The following MACROD2 variants were observed in gnomAD, a reference collection of about 807,000 sequenced individuals.
MACROD2 encodes ADP-ribose glycohydrolase MACROD2.
MACROD2 carries 36 observed loss-of-function variants against 70.4 expected under a neutral mutation model. That is an observed-to-expected ratio of 0.51 (90% CI 0.39 to 0.68). The LOEUF (loss-of-function observed/expected upper bound fraction) is 0.68. Ranked by LOEUF, MACROD2 falls within the 30% of genes least tolerant of loss-of-function variation. MACROD2 has a pLI of 0.00. For missense variants in MACROD2, 496 were observed against 538.4 expected (o/e 0.92, Z 0.78); for synonymous variants, 172 against 178.8 (o/e 0.96, Z 0.30).
chr20:15,823,966 A>G (rs1033504486), intron 8 of MACROD2, among the ~76,000 whole-genome samples: 2 of 152,206 alleles, frequency 1.3e-5, no homozygotes, highest in African/African-American at 4.8e-5. Flanking sequence ...TTCAGTCATT[A>G]AGACAACTGG....
intron 6 of MACROD2, among the ~76,000 whole-genome samples, chr20:15,388,075 G>T (rs535773546): frequency 6.6e-6 from 1 of 152,144 alleles, no homozygotes; most frequent in African/African-American, 2.4e-5. Context: ...CCAACCTAGG[G>T]TGATCTGAAA....
intron 4 of MACROD2, among the ~76,000 whole-genome samples, chr20:14,649,796 A>G (rs545684389): frequency 6.6e-6 from 1 of 152,232 alleles, no homozygotes; most frequent in African/African-American, 2.4e-5. Flanking sequence ...CGAGGCTAAT[A>G]CCAGGGCCCT....
intron 8 of MACROD2, among the ~76,000 whole-genome samples, chr20:15,677,295 G>A (rs984159336): frequency 1.3e-5 from 2 of 152,040 alleles, no homozygotes; most frequent in Non-Finnish European, 2.9e-5. Flanking sequence ...AAAGCATCTA[G>A]GAAATTTAGA....
chr20:14,167,921 T>A (rs933639173), intron 3 of MACROD2, among the ~76,000 whole-genome samples: 1 of 152,194 alleles, frequency 6.6e-6, no homozygotes, highest in Non-Finnish European at 1.5e-5. Flanking sequence ...TAATAATTGG[T>A]AACATTAGTT....
Position 14,592,281 on chromosome 20 carries a change from C to T in MACROD2, c.302-92562C>T, listed in dbSNP as rs573304639. 4.3e-4 allele frequency among the ~76,000 whole-genome samples: 65 copies of T among 152,228 alleles called. 2 individuals are homozygous for T. The South Asian group carries it at 0.013, about 31-fold the overall frequency. On this transcript the variant is annotated intron_variant, in intron 4 of 17. Transcript: ENST00000684519. ...TAAATATGACTATGCCATCTGTAAG[C>T]TAGATTGGAAGAAGCAGCTCAAGGA...
intron 6 of MACROD2, among the ~76,000 whole-genome samples, chr20:15,401,007 G>A (rs2045921288): frequency 6.6e-6 from 1 of 151,704 alleles, no homozygotes; most frequent in African/African-American, 2.4e-5. Context: ...TTCACCGTCG[G>A]CAACTCAGGT....
intron 15 of MACROD2, among the ~76,000 whole-genome samples, chr20:16,012,456 C>T (rs139632612): frequency 3.7e-4 from 56 of 152,320 alleles, no homozygotes; most frequent in African/African-American, 1.3e-3. Flanking sequence ...GGGAAGCAGT[C>T]ATCAGCATTT....
intron 3 of MACROD2, among the ~76,000 whole-genome samples, chr20:14,342,867 C>G (rs746042037): frequency 1.3e-4 from 20 of 151,918 alleles, no homozygotes; most frequent in Non-Finnish European, 2.8e-4. Flanking sequence ...GTGGTTATTT[C>G]CCTGCCTGCC....
At chr20:14,473,422 G>A (rs2084553012) in intron 3 of MACROD2, among the ~76,000 whole-genome samples, 1 of 152,030 alleles carries the variant, frequency 6.6e-6, no homozygotes, top group Admixed American at 6.6e-5. Context: ...TTCTATGTTT[G>A]GCTTATTTTA....
At chr20:15,747,388 G>A (rs1028913606) in intron 8 of MACROD2, among the ~76,000 whole-genome samples, 3 of 152,116 alleles carry the variant, frequency 2.0e-5, no homozygotes, top group African/African-American at 7.2e-5. Flanking sequence ...TAAACGTTTG[G>A]TAATCACCTA....
intron 3 of MACROD2, among the ~76,000 whole-genome samples, chr20:14,239,077 G>A (rs1304662114): frequency 6.8e-6 from 1 of 146,532 alleles, no homozygotes; most frequent in Non-Finnish European, 1.5e-5. Context: ...CTATACACCA[G>A]CAACATCCAA....
intron 5 of MACROD2, among the ~76,000 whole-genome samples, chr20:15,009,258 T>C (rs1442294025): frequency 6.6e-6 from 1 of 152,190 alleles, no homozygotes; most frequent in Non-Finnish European, 1.5e-5. Flanking sequence ...AGAGTAGTTT[T>C]AAAATATGCC....
intron 8 of MACROD2, among the ~76,000 whole-genome samples, chr20:15,802,471 C>G (rs954532139): frequency 1.3e-5 from 2 of 152,112 alleles, no homozygotes; most frequent in African/African-American, 4.8e-5. Flanking sequence ...GTCCTTCATT[C>G]TGTTGATGTG....
chr20:14,030,027 C>T (rs2053227238), intron 2 of MACROD2, among the ~76,000 whole-genome samples: 1 of 152,088 alleles, frequency 6.6e-6, no homozygotes, highest in South Asian at 2.1e-4. Flanking sequence ...TTTTTCCTTG[C>T]AGATTTTACT....
Position 13,995,700 on chromosome 20 carries a change from C to A in MACROD2, c.-64C>A. On this transcript the variant is annotated 5_prime_UTR_variant, in exon 1 of 18. Coordinates refer to ENST00000684519, the MANE Select transcript of MACROD2 (RefSeq NM_001351661.2). The surrounding 1 kb of genome is among the most constrained non-coding windows in gnomAD (Gnocchi z 4.3). ...CCCCTCCCACCCCTCCCACTCCACACACACCCTGTTTGCCCGTGAGCCTGG... is the reference window on the plus strand; with the variant it reads ...CCCCTCCCACCCCTCCCACTCCACAAACACCCTGTTTGCCCGTGAGCCTGG... The A allele has an allele frequency of 7.4e-7, 1 of 1,344,162 alleles. No individual in the cohort carries two copies. The highest frequency in any genetic ancestry group is 1.1e-6 in the Non-Finnish European group (1 of 946,764). 83.3% of individuals were successfully genotyped at this position (1,344,162 alleles called of 1,614,324 possible).
intron 8 of MACROD2, among the ~76,000 whole-genome samples, chr20:15,825,900 A>G (rs1236513454): frequency 2.0e-5 from 3 of 152,148 alleles, no homozygotes; most frequent in East Asian, 3.8e-4. Context: ...AGAGCAGTCA[A>G]TGTTTTCAGC....
At chr20:16,022,298 A>T (rs992883409) in intron 15 of MACROD2, among the ~76,000 whole-genome samples, 1 of 152,002 alleles carries the variant, frequency 6.6e-6, no homozygotes, top group Admixed American at 6.6e-5. Flanking sequence ...TGATCCGCCC[A>T]CCTCGGCCTC....
chr20:15,362,449 T>G (rs1157968940), intron 6 of MACROD2, among the ~76,000 whole-genome samples: 1 of 152,174 alleles, frequency 6.6e-6, no homozygotes, highest in Non-Finnish European at 1.5e-5. Context: ...GTATACTGTA[T>G]TAAGTTGAAG....
chr20:14,648,959 A>G (rs1477894656), intron 4 of MACROD2, among the ~76,000 whole-genome samples: 2 of 152,156 alleles, frequency 1.3e-5, no homozygotes, highest in Admixed American at 6.6e-5. Flanking sequence ...TTTCTCCTTC[A>G]AGTGCTACGT....
Sources: allele counts gnomAD v4.1 joint callset (sites outside exome capture counted in the v4.1 genomes callset), GRCh38; gene constraint gnomAD v4.1.1; non-coding constraint Gnocchi (gnomAD v3.1); transcripts MANE v1.5; gene names NCBI Gene and HGNC (gene_info 2026-07-23, HGNC 2026-07-21).